ROBO1: variants seen among roughly 807,000 people sequenced by gnomAD.
ROBO1 encodes roundabout homolog 1.
Under a neutral mutation model 195.9 loss-of-function variants are expected in ROBO1, and 149 were observed. That is an observed-to-expected ratio of 0.76 (90% CI 0.67 to 0.87). The LOEUF is 0.87. ROBO1 is among the 40% of genes least tolerant of loss of function. ROBO1 has a pLI of 0.00. For synonymous variants in ROBO1, 816 were observed against 733.2 expected, an observed-to-expected ratio of 1.11 and a Z score of -1.82; for missense variants, 1,933 against 2,068.3, an observed-to-expected ratio of 0.93 and a Z score of 1.27.
At chr3:79,125,431 A>G (rs919315714) in intron 3 of ROBO1, 25 bp downstream of exon 3, 1 of 1,589,402 alleles carries the variant, frequency 6.3e-7, no homozygotes, top group African/African-American at 1.3e-5. Context: ...GGAGGAAGTT[A>G]GTATTTGGGA....
chr3:78,723,920 C>T (rs1178567149), intron 5 of ROBO1, among the ~76,000 whole-genome samples: 36 of 152,034 alleles, frequency 2.4e-4, no homozygotes, highest in Admixed American at 2.4e-3. Flanking sequence ...GTATACTCTC[C>T]CGCATAAATT....
At chr3:79,539,285 C>A (rs879340123) in intron 2 of ROBO1, among the ~76,000 whole-genome samples, 1 of 152,006 alleles carries the variant, frequency 6.6e-6, no homozygotes, top group Non-Finnish European at 1.5e-5. Context: ...ATACTTCCTG[C>A]CCTTTAGGGT....
chr3:79,414,370 G>A (rs2037911615), intron 2 of ROBO1, among the ~76,000 whole-genome samples: 1 of 151,962 alleles, frequency 6.6e-6, no homozygotes, highest in African/African-American at 2.4e-5. Flanking sequence ...AAAGAAAATT[G>A]TCAAAAGTTT....
chr3:78,740,408 A>G (rs1465442913), intron 5 of ROBO1, among the ~76,000 whole-genome samples: 1 of 150,896 alleles, frequency 6.6e-6, no homozygotes, highest in Non-Finnish European at 1.5e-5. Context: ...TTTTATTTAA[A>G]ATTTTTCAGA....
At chr3:79,548,004 G>A (rs1349122409) in intron 2 of ROBO1, among the ~76,000 whole-genome samples, 2 of 152,112 alleles carry the variant, frequency 1.3e-5, no homozygotes, top group African/African-American at 4.8e-5. Context: ...CTGATGTTGA[G>A]GACATATGAG....
chr3:78,613,542 G>A (rs930130700), intron 28 of ROBO1, among the ~76,000 whole-genome samples: 11 of 152,186 alleles, frequency 7.2e-5, no homozygotes, highest in Non-Finnish European at 1.2e-4. Flanking sequence ...GGAGGCCCAG[G>A]TGCGCTGTGT....
chr3:78,698,042 T>A (rs1053422458), intron 8 of ROBO1, among the ~76,000 whole-genome samples: 2 of 152,106 alleles, frequency 1.3e-5, no homozygotes, highest in Admixed American at 1.3e-4. Flanking sequence ...TTGAGGCGAT[T>A]TTTTCCCCAT....
At chr3:79,756,092 G>C (rs1704378085) in intron 1 of ROBO1, among the ~76,000 whole-genome samples, 1 of 152,070 alleles carries the variant, frequency 6.6e-6, no homozygotes. Context: ...TACTTGTTTA[G>C]TATATTACAG....
chr3:79,263,782 C>A (rs910164395), intron 2 of ROBO1, among the ~76,000 whole-genome samples: 1 of 152,070 alleles, frequency 6.6e-6, no homozygotes, highest in African/African-American at 2.4e-5. Context: ...CTCCCATTTT[C>A]TTCTTTTTCC....
At chr3:78,669,645 C>T (rs988984244) in intron 11 of ROBO1, among the ~76,000 whole-genome samples, 6 of 152,208 alleles carry the variant, frequency 3.9e-5, no homozygotes, top group Admixed American at 6.5e-5. Context: ...GTGTACATTG[C>T]TTTATGGCTT....
At chr3:79,125,308 A>G (rs553917985) in intron 3 of ROBO1, 148 bp downstream of exon 3, 1 of 670,736 alleles carries the variant, frequency 1.5e-6, no homozygotes, top group South Asian at 1.8e-5. Flanking sequence ...ATGATCTGAT[A>G]TGAACAGAAT....
chr3:78,685,852 G>A lies in ROBO1; in HGVS notation c.1236C>T (p.Asp412=), dbSNP rs1233670084. Reference sequence around the variant, plus strand: ...ATCGCTGGACATTAGTAATTGTGAGGTCGCCAGTCTGGGAGACTGAAAATC... The same window carrying A: ...ATCGCTGGACATTAGTAATTGTGAGATCGCCAGTCTGGGAGACTGAAAATC... ...SSRFSVSQTG[D]LTITNVQRSD... is the part of the protein sequence containing the mutation. The change falls in exon 10 of 31, where the codon GAC becomes GAT. Residue 412 remains aspartate, a synonymous_variant. Coordinates refer to ENST00000464233, the MANE Select transcript of ROBO1 (RefSeq NM_002941.4). 1 of 1,610,126 alleles carries A rather than the reference G, an allele frequency of 6.2e-7. No individual in the cohort carries two copies. Among genetic ancestry groups the A allele is most frequent in the Non-Finnish European group, 8.5e-7 (1 of 1,177,564 alleles).
intron 1 of ROBO1, among the ~76,000 whole-genome samples, chr3:79,656,314 A>G (rs1022136919): frequency 6.6e-6 from 1 of 151,926 alleles, no homozygotes; most frequent in Admixed American, 6.6e-5. Context: ...AATAATAATG[A>G]AATTACTACC....
intron 3 of ROBO1, among the ~76,000 whole-genome samples, chr3:79,121,001 C>G (rs1390725175): frequency 6.6e-6 from 1 of 152,092 alleles, no homozygotes; most frequent in Non-Finnish European, 1.5e-5. Context: ...ATAGACACAA[C>G]TCATTTAAAC....
chr3:79,365,807 G>A (rs1445951201), intron 2 of ROBO1, among the ~76,000 whole-genome samples: 2 of 150,708 alleles, frequency 1.3e-5, no homozygotes, highest in Non-Finnish European at 2.9e-5. Context: ...TGAGGCAGGA[G>A]AATGGCGTGA....
At chr3:79,671,915 A>G (rs1283882887) in intron 1 of ROBO1, among the ~76,000 whole-genome samples, 3 of 151,936 alleles carry the variant, frequency 2.0e-5, no homozygotes, top group Non-Finnish European at 4.4e-5. Context: ...AATATTAATG[A>G]GGAAAATAAC....
chr3:79,213,069 C>T (rs2108806359), intron 2 of ROBO1, among the ~76,000 whole-genome samples: 1 of 151,438 alleles, frequency 6.6e-6, no homozygotes, highest in South Asian at 2.1e-4. Flanking sequence ...TATAGTGAAA[C>T]CCCATCTCTA....
intron 1 of ROBO1, among the ~76,000 whole-genome samples, chr3:79,723,906 G>A (rs1487323517): frequency 6.6e-6 from 1 of 152,148 alleles, no homozygotes. Context: ...CTCCAACACT[G>A]ACAGAAGTAC....
intron 14 of ROBO1, among the ~76,000 whole-genome samples, chr3:78,663,122 T>C (rs1707527374): frequency 6.6e-6 from 1 of 151,760 alleles, no homozygotes; most frequent in Non-Finnish European, 1.5e-5. Context: ...TTTAGTTTAA[T>C]GAATCATTAA....
Sources: allele counts gnomAD v4.1 joint callset (sites outside exome capture counted in the v4.1 genomes callset), GRCh38; gene constraint gnomAD v4.1.1; transcripts MANE v1.5; gene names NCBI Gene and HGNC (gene_info 2026-07-23, HGNC 2026-07-21).